The following STAB2 variants were observed in gnomAD, a reference collection of about 807,000 sequenced individuals.
The protein encoded by STAB2 is stabilin 2.
In STAB2, 288 loss-of-function variants were observed where a neutral mutation model predicts 338.1. The ratio of observed to expected loss-of-function variants is 0.85; its 90% CI spans 0.77 to 0.94. The LOEUF (loss-of-function observed/expected upper bound fraction) is 0.94. Ranked by LOEUF, STAB2 falls within the 40% of genes least tolerant of loss-of-function variation. The pLI, the probability that STAB2 is intolerant of heterozygous loss-of-function variation, is 0.00. For synonymous variants in STAB2, 1,202 were observed against 1,193.3 expected (o/e 1.01, Z -0.15); for missense variants, 3,141 against 3,210.1 (o/e 0.98, Z 0.52).
intron 68 of STAB2, among the ~76,000 whole-genome samples, chr12:103,764,062 T>C (rs1593362088): frequency 1.3e-5 from 2 of 152,184 alleles, no homozygotes; most frequent in South Asian, 4.2e-4. Flanking sequence ...CTCGGCTCAT[T>C]GCAACCTCTG....
chr12:103,605,891 T>A (rs528937680), intron 3 of STAB2, among the ~76,000 whole-genome samples: 1 of 152,188 alleles, frequency 6.6e-6, no homozygotes, highest in African/African-American at 2.4e-5. Flanking sequence ...AGTTAGGGTC[T>A]CTTGTAGGCA....
At chr12:103,683,901 T>TCA (rs1877158718) in intron 26 of STAB2, among the ~76,000 whole-genome samples, 1 of 152,074 alleles carries the variant, frequency 6.6e-6, no homozygotes, top group Non-Finnish European at 1.5e-5. Context: ...TTAATCACAG[T>TCA]GTTTGGAGTT....
At chr12:103,645,750 T>A (rs1190787827) in intron 9 of STAB2, among the ~76,000 whole-genome samples, 1 of 152,230 alleles carries the variant, frequency 6.6e-6, no homozygotes, top group East Asian at 1.9e-4. Context: ...TAAAAAGGTT[T>A]CTCAGCCTCA....
intron 2 of STAB2, 25 bp downstream of exon 2, chr12:103,591,055 T>C: frequency 1.9e-6 from 3 of 1,611,630 alleles, no homozygotes; most frequent in Non-Finnish European, 1.7e-6. Flanking sequence ...ATAAACGTGA[T>C]GGAACTATGA....
chr12:103,742,632 G>T, intron 56 of STAB2, 78 bp downstream of exon 56: 4 of 1,586,630 alleles, frequency 2.5e-6, no homozygotes, highest in Non-Finnish European at 3.4e-6. Context: ...CCATCTGCCT[G>T]ACCTGGAGGC....
chr12:103,622,221 T>C (rs703612), intron 5 of STAB2, 110 bp downstream of exon 5: 1,100,100 of 1,152,380 alleles, frequency 0.95, 525,716 homozygotes, highest in Non-Finnish European at 0.96. Context: ...AAAAAAGAAA[T>C]TTCAGCAGAA....
intron 3 of STAB2, among the ~76,000 whole-genome samples, 181 bp from the exon 4 acceptor site, chr12:103,620,287 A>G (rs572093594): frequency 6.6e-6 from 1 of 151,730 alleles, no homozygotes; most frequent in East Asian, 1.9e-4. Flanking sequence ...GCACATGACC[A>G]CATTGCAATT....
chr12:103,601,330 G>A (rs769282234), intron 3 of STAB2, among the ~76,000 whole-genome samples: 8 of 152,190 alleles, frequency 5.3e-5, no homozygotes, highest in Non-Finnish European at 1.0e-4. Flanking sequence ...GGTGGCTTGC[G>A]CCAGTAATCC....
At chr12:103,706,615 T>C (rs1464409769) in intron 37 of STAB2, among the ~76,000 whole-genome samples, 177 bp from the exon 38 acceptor site, 2 of 152,060 alleles carry the variant, frequency 1.3e-5, no homozygotes, top group Admixed American at 1.3e-4. Flanking sequence ...CTAGCACCCC[T>C]AGAAATTGCC....
chr12:103,755,986 A>G (rs1410847244), intron 63 of STAB2, among the ~76,000 whole-genome samples: 2 of 152,314 alleles, frequency 1.3e-5, no homozygotes, highest in East Asian at 3.9e-4. Context: ...TCATTAAATG[A>G]GTTAATAGTT....
chr12:103,614,980 G>A (rs1957186701), intron 3 of STAB2, among the ~76,000 whole-genome samples: 1 of 152,190 alleles, frequency 6.6e-6, no homozygotes, highest in African/African-American at 2.4e-5. Flanking sequence ...TATTGCCCAA[G>A]GGGATGAAAT....
In STAB2 at chr12:103,699,176, G is replaced by T; in HGVS notation, c.3663G>T (p.Glu1221Asp). ...KNDLHNGMHR[E>D]TMLGFSYFLS... ...ACCTGCACAATGGCATGCATCGTGA[G>T]ACCATGCTGGGTTTCTCCTATTTCC... The change falls in exon 34 of 69, where the codon GAG becomes GAT. Residue 1221 changes from glutamate to aspartate, a missense_variant. Physicochemically the swap from Glu to Asp is conservative, Grantham distance 45. Transcript: ENST00000388887. 6.2e-7 allele frequency: 1 copy of T among 1,613,444 alleles called. No individual in the cohort carries two copies. Among genetic ancestry groups the T allele is most frequent in the Non-Finnish European group, 8.5e-7 (1 of 1,179,536 alleles).
intron 20 of STAB2, 139 bp downstream of exon 20, chr12:103,668,868 G>A: frequency 2.9e-6 from 2 of 700,162 alleles, no homozygotes; most frequent in Non-Finnish European, 4.6e-6. Context: ...ATCAAAGGTA[G>A]ATTCTTCATA....
At chr12:103,745,420 G>A (rs1014477246) in intron 57 of STAB2, 143 bp downstream of exon 57, 4 of 693,794 alleles carry the variant, frequency 5.8e-6, no homozygotes, top group African/African-American at 1.8e-5. Context: ...ATTCAGATCT[G>A]TAGCCCCGGG....
rs559457405 is a variant in STAB2 at position 103,655,560 on chromosome 12, C to G, written c.1713C>G (p.Leu571=). 2 of 1,613,836 alleles carry G rather than the reference C, an allele frequency of 1.2e-6. No individual in the cohort carries two copies. The highest frequency in any genetic ancestry group is 2.7e-5 in the African/African-American group (2 of 74,938). ...EALNNMKDGT[L]DYLLSPEGSR... Reference sequence around the variant, plus strand: ...TGAATAACATGAAGGACGGCACTCTCGATTACCTCCTTTCTCCAGAGGTAC... The same window carrying G: ...TGAATAACATGAAGGACGGCACTCTGGATTACCTCCTTTCTCCAGAGGTAC... The change falls in exon 15 of 69, where the codon CTC becomes CTG. Residue 571 remains leucine (L), a synonymous_variant. Coordinates refer to ENST00000388887, the MANE Select transcript of STAB2 (RefSeq NM_017564.10).
intron 52 of STAB2, among the ~76,000 whole-genome samples, chr12:103,736,117 C>T (rs1882101631): frequency 6.6e-6 from 1 of 152,176 alleles, no homozygotes; most frequent in Admixed American, 6.5e-5. Flanking sequence ...AACTGCATAT[C>T]ATGGAAAAGC....
intron 3 of STAB2, among the ~76,000 whole-genome samples, chr12:103,604,747 T>A (rs1386721832): frequency 6.6e-6 from 1 of 151,944 alleles, no homozygotes; most frequent in African/African-American, 2.4e-5. Context: ...TTCTCTTTTT[T>A]TTCTTATTAG....
At chr12:103,629,971 A>T (rs2138661487) in intron 5 of STAB2, among the ~76,000 whole-genome samples, 1 of 152,362 alleles carries the variant, frequency 6.6e-6, no homozygotes, top group Admixed American at 6.5e-5. Flanking sequence ...TATAAAATAA[A>T]GTGGTGAAAG....
In STAB2 at chr12:103,706,776, T is replaced by C; in HGVS notation, c.3997-16T>C. ...AGGATAGAAGTGCGTTGTCAAGCTT[T>C]GTCCTTCTGTTTCAGACGAGAGAAT... is the stretch of plus-strand genomic sequence containing the variant. On this transcript the variant is annotated splice_polypyrimidine_tract_variant and intron_variant, in intron 37 of 68. Transcript: ENST00000388887. 6.2e-7 allele frequency: 1 copy of C among 1,614,184 alleles called. No individual in the cohort carries two copies. Among genetic ancestry groups the C allele is most frequent in the Non-Finnish European group, 8.5e-7 (1 of 1,180,008 alleles).
Sources: allele counts gnomAD v4.1 joint callset (sites outside exome capture counted in the v4.1 genomes callset), GRCh38; gene constraint gnomAD v4.1.1; transcripts MANE v1.5; gene names NCBI Gene and HGNC (gene_info 2026-07-23, HGNC 2026-07-21).